The following ATXN8OS variants were observed in gnomAD, a reference collection of about 807,000 sequenced individuals.
ATXN8OS encodes the protein ATXN8 opposite strand (non-protein coding).
chr13:70,110,064 TAAG>T (rs1440150835), intron 1 of ATXN8OS, among the ~76,000 whole-genome samples: 1 of 152,148 alleles, frequency 6.6e-6, no homozygotes, highest in Non-Finnish European at 1.5e-5. Flanking sequence ...GCAATACTAA[TAAG>T]AATATTCCAC....
chr13:70,165,587 G>A (rs147065005), intron 4 of ATXN8OS, among the ~76,000 whole-genome samples: 5 of 151,976 alleles, frequency 3.3e-5, no homozygotes, highest in Non-Finnish European at 5.9e-5. Flanking sequence ...ATTCATCAGT[G>A]AATAATTATC....
At chr13:70,118,597 T>A (rs1053883418) in intron 2 of ATXN8OS, among the ~76,000 whole-genome samples, 1 of 152,056 alleles carries the variant, frequency 6.6e-6, no homozygotes, top group Admixed American at 6.6e-5. Context: ...GGAAATTTTT[T>A]TAAAAAATTA....
At chr13:70,122,832 C>G (rs191918147) in intron 2 of ATXN8OS, among the ~76,000 whole-genome samples, 8 of 152,006 alleles carry the variant, frequency 5.3e-5, no homozygotes, top group Non-Finnish European at 1.0e-4. Flanking sequence ...TAAAAATCTA[C>G]CAAAATCTGA....
intron 2 of ATXN8OS, among the ~76,000 whole-genome samples, chr13:70,119,543 T>C (rs745449223): frequency 1.3e-5 from 2 of 152,132 alleles, no homozygotes; most frequent in Non-Finnish European, 2.9e-5. Context: ...ATATCGTGTG[T>C]ATACATGCAC....
chr13:70,125,117 G>C (rs2325254), intron 2 of ATXN8OS, among the ~76,000 whole-genome samples: 16 of 151,714 alleles, frequency 1.1e-4, no homozygotes, highest in Non-Finnish European at 2.2e-4. Flanking sequence ...AATTTTTAGG[G>C]TATACCTATC....
chr13:70,132,734 T>A (rs1015338509), intron 3 of ATXN8OS, among the ~76,000 whole-genome samples: 3 of 152,228 alleles, frequency 2.0e-5, no homozygotes, highest in African/African-American at 7.2e-5. Context: ...TCTACACATT[T>A]ATTGGCCTTC....
intron 1 of ATXN8OS, among the ~76,000 whole-genome samples, chr13:70,114,620 G>A (rs867608687): frequency 1.3e-5 from 2 of 151,234 alleles, no homozygotes; most frequent in East Asian, 1.9e-4. Context: ...TTTCTTCAAC[G>A]GTTATGTATG....
intron 3 of ATXN8OS, among the ~76,000 whole-genome samples, chr13:70,145,653 G>C (rs1888773821): frequency 6.6e-6 from 1 of 152,050 alleles, no homozygotes; most frequent in Admixed American, 6.6e-5. Flanking sequence ...CTCTCTGTTT[G>C]TCTGTTATTG....
chr13:70,145,414 G>A (rs302009), intron 3 of ATXN8OS, among the ~76,000 whole-genome samples: 5,685 of 151,464 alleles, frequency 0.038, 387 homozygotes, highest in African/African-American at 0.13. Context: ...TGATGGGGAT[G>A]GCATTGAATC....
intron 4 of ATXN8OS, among the ~76,000 whole-genome samples, chr13:70,157,297 T>C (rs1888949528): frequency 6.6e-6 from 1 of 152,126 alleles, no homozygotes; most frequent in African/African-American, 2.4e-5. Flanking sequence ...GACAAACTGA[T>C]AGGAGGAGCT....
At chr13:70,145,337 C>T (rs1292376925) in intron 3 of ATXN8OS, among the ~76,000 whole-genome samples, 3 of 151,896 alleles carry the variant, frequency 2.0e-5, no homozygotes, top group Admixed American at 2.0e-4. Context: ...GATACGGGCT[C>T]TTTTTTGGTT....
chr13:70,147,380 G>C (rs1888800331), exon 4 of ATXN8OS, among the ~76,000 whole-genome samples: 2 of 152,002 alleles, frequency 1.3e-5, no homozygotes, highest in African/African-American at 4.8e-5. Flanking sequence ...AAGTGCGAAG[G>C]AGCTTAAATC....
upstream of ATXN8OS, chr13:70,107,542 T>A (rs768406656): frequency 6.2e-7 from 1 of 1,609,644 alleles, no homozygotes; most frequent in South Asian, 1.1e-5. Context: ...CAGGCGACTC[T>A]GGCTGGGTCC....
intron 3 of ATXN8OS, among the ~76,000 whole-genome samples, chr13:70,138,335 A>T (rs900988197): frequency 7.4e-6 from 1 of 135,604 alleles, no homozygotes; most frequent in African/African-American, 2.8e-5. Context: ...AAAAAAAAAA[A>T]AGTTAACTTT....
chr13:70,110,601 C>T (rs1048767410), intron 1 of ATXN8OS, among the ~76,000 whole-genome samples: 2 of 151,592 alleles, frequency 1.3e-5, no homozygotes, highest in Non-Finnish European at 2.9e-5. Context: ...GAGGGAAAGA[C>T]AGAGACAGGA....
At chr13:70,171,014 A>G (rs1349413585) in exon 5 of ATXN8OS, among the ~76,000 whole-genome samples, 1 of 152,186 alleles carries the variant, frequency 6.6e-6, no homozygotes, top group Non-Finnish European at 1.5e-5. Context: ...GTACACCTGT[A>G]TAGGGCACTG....
chr13:70,121,219 G>A (rs1038865576), intron 2 of ATXN8OS, among the ~76,000 whole-genome samples: 3 of 152,072 alleles, frequency 2.0e-5, no homozygotes, highest in African/African-American at 7.2e-5. Flanking sequence ...ATCAACATAA[G>A]AGCAGGAAAC....
At chr13:70,119,125 C>A (rs1277134892) in intron 2 of ATXN8OS, among the ~76,000 whole-genome samples, 1 of 151,926 alleles carries the variant, frequency 6.6e-6, no homozygotes, top group East Asian at 1.9e-4. Context: ...ATTGTAAAGT[C>A]TAACTAACCC....
At chr13:70,150,861 C>T (rs754428739) in intron 4 of ATXN8OS, among the ~76,000 whole-genome samples, 8 of 152,066 alleles carry the variant, frequency 5.3e-5, no homozygotes, top group African/African-American at 7.2e-5. Context: ...ATTTAAAAAA[C>T]TATGTGCATT....
Sources: allele counts gnomAD v4.1 joint callset (sites outside exome capture counted in the v4.1 genomes callset), GRCh38; gene constraint gnomAD v4.1.1; transcripts MANE v1.5; gene names NCBI Gene and HGNC (gene_info 2026-07-23, HGNC 2026-07-21).